The following CA10 variants were observed in gnomAD, a reference collection of about 807,000 sequenced individuals.
CA10 encodes carbonic anhydrase-related protein 10.
CA10 carries 14 observed loss-of-function variants against 44.2 expected under a neutral mutation model. That is an observed-to-expected ratio of 0.32 (90% CI 0.21 to 0.50). The LOEUF is 0.50. Among genes scored for constraint, CA10 ranks in the 20% least tolerant of loss-of-function variants. The pLI is 0.99. For missense variants in CA10, 350 were observed against 409.7 expected (o/e 0.85, Z 1.26); for synonymous variants, 159 against 141.6 (o/e 1.12, Z -0.87).
At chr17:52,055,547 CAAGA>C (rs1987204818) in intron 2 of CA10, among the ~76,000 whole-genome samples, 1 of 151,822 alleles carries the variant, frequency 6.6e-6, no homozygotes, top group East Asian at 1.9e-4. Flanking sequence ...AGAATGTATT[CAAGA>C]AAAAGTAGTT....
In CA10 at chr17:51,757,839, G is replaced by A. The variant is rs186655736; in HGVS notation, c.280-10021C>T. 1.9e-3 allele frequency among the ~76,000 whole-genome samples: 288 copies of A among 152,208 alleles called. 1 individual carries two copies. The highest frequency in any genetic ancestry group is 6.7e-3 in the African/African-American group (276 of 41,486). ...AGATAAGAGCATGGTGGCAGAGGGT[G>A]TGGAGCTTTAGGAGTAGGCCTTTTT... is the stretch of plus-strand genomic sequence containing the variant. On this transcript the variant is annotated intron_variant, in intron 3 of 8. Transcript: ENST00000451037.
intron 3 of CA10, among the ~76,000 whole-genome samples, chr17:51,781,737 C>A (rs190792744): frequency 3.9e-5 from 6 of 152,290 alleles, no homozygotes; most frequent in African/African-American, 7.2e-5. Context: ...TAAGTCCCAC[C>A]TTTATCCCTA....
At chr17:52,023,991 G>T (rs1405892270) in intron 2 of CA10, among the ~76,000 whole-genome samples, 2 of 151,714 alleles carry the variant, frequency 1.3e-5, no homozygotes, top group Non-Finnish European at 1.5e-5. Context: ...CAAGTTTATT[G>T]TTTCTGTGGG....
chr17:51,638,987 G>A (rs1365992327), intron 6 of CA10, among the ~76,000 whole-genome samples: 1 of 152,154 alleles, frequency 6.6e-6, no homozygotes, highest in Non-Finnish European at 1.5e-5. Context: ...GAGGGCTGCT[G>A]TGAGAAATGT....
At position 51,636,085 on chromosome 17, in the gene CA10, C is replaced by CATACAT. The variant is rs113563920; in HGVS notation, c.635-82_635-77dup. ...TATTGCTGACATACATACATACATACATACATATACATATACATATACATA... is the reference window on the plus strand; with the variant it reads ...TATTGCTGACATACATACATACATACATACATATACATATACATATACATATACATA... On this transcript the variant is annotated intron_variant, in intron 6 of 8. Transcript: ENST00000451037. The CATACAT allele has an allele frequency of 3.1e-3, 2,347 of 750,586 alleles. 38 individuals are homozygous for CATACAT. Among genetic ancestry groups the CATACAT allele is most frequent in the Admixed American group, 0.03 (1,164 of 39,432 alleles). 46.5% of individuals were successfully genotyped at this position (750,586 alleles called of 1,614,324 possible).
chr17:51,979,701 T>C (rs186993709), intron 2 of CA10, among the ~76,000 whole-genome samples: 1 of 152,272 alleles, frequency 6.6e-6, no homozygotes, highest in Non-Finnish European at 1.5e-5. Flanking sequence ...TATATTCTAC[T>C]TAAATAACTG....
At position 51,934,936 on chromosome 17, in the gene CA10, G is replaced by A. The variant is rs533139944; in HGVS notation, c.137-3804C>T. On this transcript the variant is annotated intron_variant, in intron 2 of 8. Coordinates refer to ENST00000451037, the MANE Select transcript of CA10 (RefSeq NM_020178.5). Reference sequence around the variant, plus strand: ...GGAAATGGTTTAGGACGAAGGCTGTGAAAACAGGCGTCCATGAAGTGCCTG... The same window carrying A: ...GGAAATGGTTTAGGACGAAGGCTGTAAAAACAGGCGTCCATGAAGTGCCTG... 2.0e-5 allele frequency among the ~76,000 whole-genome samples: 3 copies of A among 152,250 alleles called. No individual in the cohort carries two copies. In the East Asian group the frequency reaches 5.8e-4, roughly 29 times the overall value.
intron 3 of CA10, among the ~76,000 whole-genome samples, chr17:51,865,551 C>A (rs914475852): frequency 6.6e-6 from 1 of 152,180 alleles, no homozygotes; most frequent in Non-Finnish European, 1.5e-5. Context: ...GTGTCCATGG[C>A]CTCAGGGAGC....
rs139553973 is a variant in CA10, at chr17:52,083,384, C to T, written c.62-10991G>A. Among the ~76,000 whole-genome samples, 1,451 of 152,056 alleles carry T rather than the reference C, an allele frequency of 9.5e-3. 21 individuals carry two copies. The highest frequency in any genetic ancestry group is 0.033 in the African/African-American group (1,364 of 41,382). The stretch of plus-strand genomic sequence containing the variant: ...CACAAATTTGCTACTAATTGTGTCA[C>T]TTTGGGCGAATTATTTCATCTCTTT... On this transcript the variant is annotated intron_variant, in intron 1 of 8. Transcript: ENST00000451037.
At position 51,878,893 on chromosome 17, in the gene CA10, GGT is replaced by G. The variant is rs375444434; in HGVS notation, c.279+52095_279+52096del. 3.6e-4 allele frequency among the ~76,000 whole-genome samples: 19 copies of G among 52,358 alleles called. No homozygotes were observed. The East Asian group carries it at 8.4e-3, about 23-fold the overall frequency. The allele number at this position is 52,358 out of a possible 152,430, so 34.3% of individuals were successfully genotyped here. On this transcript the variant is annotated intron_variant, in intron 3 of 8. Coordinates refer to ENST00000451037, the MANE Select transcript of CA10 (RefSeq NM_020178.5). ...ATATATATATATATATATATATATG[GGT>G]GTGTGTGTGTGTGTGTGTATGTGTG...
rs539823649 is a variant in CA10 at position 52,117,075 on chromosome 17, A to G, written c.61+40651T>C. ...GAGCTCAGCTTAATTAGAAGTGTAT[A>G]TCCAAGTTATAGGTATATTTAAAAG... On this transcript the variant is annotated intron_variant, in intron 1 of 8. Coordinates refer to ENST00000451037, the MANE Select transcript of CA10 (RefSeq NM_020178.5). Among the ~76,000 whole-genome samples, 352 of 152,358 alleles carry G rather than the reference A, an allele frequency of 2.3e-3. 2 individuals are homozygous for G. The highest frequency in any genetic ancestry group is 4.3e-3 in the Non-Finnish European group (293 of 68,038).
chr17:52,017,317 C>G (rs1443956905), intron 2 of CA10, among the ~76,000 whole-genome samples: 1 of 152,076 alleles, frequency 6.6e-6, no homozygotes, highest in Non-Finnish European at 1.5e-5. Flanking sequence ...TTGGAAATTC[C>G]TAGAGACTTG....
intron 6 of CA10, among the ~76,000 whole-genome samples, chr17:51,641,721 G>C (rs2106335): frequency 0.24 from 36,896 of 151,874 alleles, 4,559 homozygotes; most frequent in South Asian, 0.4. Flanking sequence ...TGTAGGAGAC[G>C]TACACTATGA....
chr17:51,893,308 T>C (rs564743297), intron 3 of CA10, among the ~76,000 whole-genome samples: 2 of 152,192 alleles, frequency 1.3e-5, no homozygotes, highest in Admixed American at 1.3e-4. Context: ...AGGGTTATAG[T>C]AAAGGGCAAT....
chr17:52,023,952 T>C (rs1002710903), intron 2 of CA10, among the ~76,000 whole-genome samples: 3 of 152,288 alleles, frequency 2.0e-5, no homozygotes, highest in South Asian at 2.1e-4. Context: ...TGTGTAGTTT[T>C]ATTTTATTTT....
intron 3 of CA10, among the ~76,000 whole-genome samples, chr17:51,902,723 A>G (rs1246811120): frequency 6.6e-6 from 1 of 152,190 alleles, no homozygotes; most frequent in Non-Finnish European, 1.5e-5. Flanking sequence ...TCAGTTTACT[A>G]CAACTCTCAG....
intron 3 of CA10, among the ~76,000 whole-genome samples, chr17:51,789,504 C>T (rs185751390): frequency 6.6e-6 from 1 of 152,332 alleles, no homozygotes; most frequent in East Asian, 1.9e-4. Flanking sequence ...AAGGCCACCT[C>T]CTTTGCATGC....
chr17:52,080,165 G>A (rs1256157905), intron 1 of CA10, among the ~76,000 whole-genome samples: 6 of 152,096 alleles, frequency 3.9e-5, no homozygotes, highest in African/African-American at 1.4e-4. Context: ...TTTTTAAGAA[G>A]TTCAAGGCCA....
At chr17:52,089,783 G>A (rs1296387951) in intron 1 of CA10, among the ~76,000 whole-genome samples, 14 of 151,934 alleles carry the variant, frequency 9.2e-5, no homozygotes, top group Admixed American at 9.2e-4. Flanking sequence ...TTTTATGCAT[G>A]CATGCATATG....
Sources: allele counts gnomAD v4.1 joint callset (sites outside exome capture counted in the v4.1 genomes callset), GRCh38; gene constraint gnomAD v4.1.1; transcripts MANE v1.5; gene names NCBI Gene and HGNC (gene_info 2026-07-23, HGNC 2026-07-21).